Variants in GATAD2B observed in about 807,000 individuals in gnomAD.
GATAD2B encodes the protein transcriptional repressor p66-beta.
GATAD2B carries 8 observed loss-of-function variants against 64.3 expected under a neutral mutation model. That is an observed-to-expected ratio of 0.12 (90% CI 0.07 to 0.22). The LOEUF (loss-of-function observed/expected upper bound fraction) is 0.22. GATAD2B is among the 10% of genes least tolerant of loss of function. The pLI is 1.00. For synonymous variants in GATAD2B, 281 were observed against 271.3 expected (o/e 1.04, Z -0.35); for missense variants, 453 against 752.0 (o/e 0.60, Z 4.65).
chr1:153,856,744 T>C (rs1400293000), intron 1 of GATAD2B, among the ~76,000 whole-genome samples: 1 of 151,778 alleles, frequency 6.6e-6, no homozygotes, highest in Non-Finnish European at 1.5e-5. Context: ...CCATCTCTAA[T>C]AAATAAACCA....
At chr1:153,879,998 A>C (rs532326974) in intron 1 of GATAD2B, among the ~76,000 whole-genome samples, 1 of 152,272 alleles carries the variant, frequency 6.6e-6, no homozygotes, top group East Asian at 1.9e-4. Flanking sequence ...GGGAAAGAAT[A>C]CCGCATTTTG....
Position 153,816,324 on chromosome 1 carries a change from T to C in GATAD2B, c.1165A>G (p.Ile389Val). ...FLPSAANSEF[I>V]YMVGLEEVVQ... Reference sequence around the variant, plus strand: ...ACTTCTTCCAAGCCTACCATGTAGATGAACTCGCTATTGGCTGCACTAGGC... The same window carrying C: ...ACTTCTTCCAAGCCTACCATGTAGACGAACTCGCTATTGGCTGCACTAGGC... Residue 389 changes from isoleucine to valine, a missense_variant, in exon 7 of 11, where the codon ATC becomes GTC. By Grantham distance (29) the Ile-to-Val change is conservative. Transcript: ENST00000368655. This position sits in a 1 kb window ranked among gnomAD's most constrained non-coding sequence, Gnocchi z 4.9. The C allele has an allele frequency of 1.2e-6, 2 of 1,613,984 alleles. No individual in the cohort carries two copies. Among genetic ancestry groups the C allele is most frequent in the Non-Finnish European group, 1.7e-6 (2 of 1,179,838 alleles).
rs1674190768 is a variant in GATAD2B, at chr1:153,808,859, T to G, written c.*1318A>C. On this transcript the variant is annotated 3_prime_UTR_variant, in exon 11 of 11. Coordinates refer to ENST00000368655, the MANE Select transcript of GATAD2B (RefSeq NM_020699.4). The stretch of plus-strand genomic sequence containing the variant: ...CATTCTGGGGGCGGGCGGGGGGCAG[T>G]GGGAAGCAACTATTTGTACAGCAGA... 7.1e-6 allele frequency: 1 copy of G among 139,966 alleles called. No individual in the cohort carries two copies. The highest frequency in any genetic ancestry group is 2.7e-5 in the African/African-American group (1 of 37,076). The allele number at this position is 139,966 out of a possible 1,614,324, so 8.7% of individuals were successfully genotyped here.
chr1:153,904,278 T>C (rs1342700300), intron 1 of GATAD2B, among the ~76,000 whole-genome samples: 1 of 140,676 alleles, frequency 7.1e-6, no homozygotes, highest in African/African-American at 2.9e-5. Flanking sequence ...AAACTCCATC[T>C]CAAATAAATA....
intron 1 of GATAD2B, among the ~76,000 whole-genome samples, chr1:153,870,778 G>A (rs1165120379): frequency 6.6e-6 from 1 of 152,122 alleles, no homozygotes; most frequent in Non-Finnish European, 1.5e-5. Context: ...TATGTATACA[G>A]AAATATCCCA....
At chr1:153,822,878 T>C (rs1570933463) in intron 2 of GATAD2B, among the ~76,000 whole-genome samples, 1 of 152,100 alleles carries the variant, frequency 6.6e-6, no homozygotes, top group East Asian at 1.9e-4. Flanking sequence ...AGTGGTGCAA[T>C]CATTTGTGGC....
At chr1:153,856,040 G>A (rs1442789235) in intron 1 of GATAD2B, among the ~76,000 whole-genome samples, 4 of 152,130 alleles carry the variant, frequency 2.6e-5, no homozygotes, top group Non-Finnish European at 5.9e-5. Flanking sequence ...GCTGTTCCCT[G>A]CTACAGACAA....
chr1:153,909,424 T>A (rs1678049981), intron 1 of GATAD2B, among the ~76,000 whole-genome samples: 1 of 151,434 alleles, frequency 6.6e-6, no homozygotes, highest in African/African-American at 2.4e-5. Context: ...GTGGTCTCGA[T>A]CTCCTGACCT....
intron 1 of GATAD2B, among the ~76,000 whole-genome samples, chr1:153,834,004 G>GT (rs1675177143): frequency 6.7e-6 from 1 of 149,878 alleles, no homozygotes; most frequent in South Asian, 2.1e-4. Flanking sequence ...TTTTTTGGTT[G>GT]TTTTTTGTTT....
chr1:153,920,652 T>C (rs1030012852), intron 1 of GATAD2B, among the ~76,000 whole-genome samples: 3 of 152,232 alleles, frequency 2.0e-5, no homozygotes, highest in African/African-American at 7.2e-5. Context: ...AGATGGATGC[T>C]GCTGTCAACT....
At chr1:153,899,337 G>A (rs1677696250) in intron 1 of GATAD2B, among the ~76,000 whole-genome samples, 3 of 152,158 alleles carry the variant, frequency 2.0e-5, no homozygotes, top group South Asian at 2.1e-4. Context: ...GGGAGGCCAA[G>A]GTGGGCGGAT....
intron 1 of GATAD2B, among the ~76,000 whole-genome samples, chr1:153,883,986 GA>G (rs751317192): frequency 6.6e-6 from 1 of 152,294 alleles, no homozygotes; most frequent in East Asian, 1.9e-4. Context: ...TGTGTGAGGT[GA>G]AAACTAAATT....
At position 153,816,487 on chromosome 1, in the gene GATAD2B, C is replaced by T. The variant is rs761447443; in HGVS notation, c.1002G>A (p.Ser334=). The change falls in exon 7 of 11, where the codon TCG becomes TCA. Residue 334 remains serine (S), a synonymous_variant. Transcript: ENST00000368655. The surrounding 1 kb of genome is among the most constrained non-coding windows in gnomAD (Gnocchi z 4.9). ...IQPGTVNRVS[S]PLPSPSAMTD... ...TCATGGCGCTGGGGCTAGGAAGTGG[C>T]GAGGACACTCTGTTCACCGTCCCTG... 2.3e-5 allele frequency: 37 copies of T among 1,613,916 alleles called. No homozygotes were observed. The highest frequency in any genetic ancestry group is 8.3e-5 in the Admixed American group (5 of 60,026).
intron 1 of GATAD2B, among the ~76,000 whole-genome samples, chr1:153,853,990 G>A (rs1675996740): frequency 6.6e-6 from 1 of 152,090 alleles, no homozygotes; most frequent in African/African-American, 2.4e-5. Flanking sequence ...ACTAGTAGAT[G>A]GAATTTTCTG....
intron 2 of GATAD2B, among the ~76,000 whole-genome samples, chr1:153,823,439 T>C (rs950579375): frequency 6.6e-6 from 1 of 152,236 alleles, no homozygotes; most frequent in African/African-American, 2.4e-5. Flanking sequence ...GCCCAACTGA[T>C]GGCAAAATAA....
In GATAD2B at chr1:153,861,781, C is replaced by CAAAAAAAAAAAAAAAAAAAA. The variant is rs869141712; in HGVS notation, c.-1-33434_-1-33433insTTTTTTTTTTTTTTTTTTTT. Among the ~76,000 whole-genome samples, 4 of 85,722 alleles carry CAAAAAAAAAAAAAAAAAAAA rather than the reference C, an allele frequency of 4.7e-5. 1 individual carries two copies. Among genetic ancestry groups the CAAAAAAAAAAAAAAAAAAAA allele is most frequent in the African/African-American group, 1.7e-4 (4 of 23,382 alleles). The allele number at this position is 85,722 out of a possible 152,430, so 56.2% of individuals were successfully genotyped here. A position where few individuals can be genotyped will look rare whatever the true frequency, so the allele number is the denominator to read the frequency against. ...TGGGCAACAGAGCGAGACTCCATTT[C>CAAAAAAAAAAAAAAAAAAAA]AAAAAAAAAAAAAAATATATATATA... On this transcript the variant is annotated intron_variant, in intron 1 of 10. Transcript: ENST00000368655.
rs555926924 is a variant in GATAD2B at position 153,823,814 on chromosome 1, C to G, written c.336-4079G>C. On this transcript the variant is annotated intron_variant, in intron 2 of 10. Coordinates refer to ENST00000368655, the MANE Select transcript of GATAD2B (RefSeq NM_020699.4). The stretch of plus-strand genomic sequence containing the variant: ...GGTGCAATCTCTGCTCACTACAACT[C>G]TACCTCCTGGGTTCAAGCGATTCTC... Among the ~76,000 whole-genome samples, 11 of 151,760 alleles carry G rather than the reference C, an allele frequency of 7.2e-5. No homozygotes were observed. In the South Asian group the frequency reaches 2.1e-3, roughly 29 times the overall value.
At chr1:153,883,478 C>G (rs1351014385) in intron 1 of GATAD2B, among the ~76,000 whole-genome samples, 1 of 152,216 alleles carries the variant, frequency 6.6e-6, no homozygotes, top group East Asian at 1.9e-4. Context: ...CAGATCTAGA[C>G]ACTGCTATCA....
chr1:153,851,220 A>T (rs1311776628), intron 1 of GATAD2B, among the ~76,000 whole-genome samples: 1 of 152,180 alleles, frequency 6.6e-6, no homozygotes, highest in Admixed American at 6.5e-5. Context: ...CTGTGACTGT[A>T]TTATTTCCCT....
Sources: gnomAD v4.1 joint callset for allele counts (sites outside exome capture counted in the v4.1 genomes callset) on GRCh38, gnomAD v4.1.1 for gene constraint, Gnocchi (gnomAD v3.1) non-coding constraint, MANE v1.5 for transcripts, NCBI Gene and HGNC (gene_info 2026-07-23, HGNC 2026-07-21) for gene names.